Variants in CREBZF observed in about 807,000 individuals in gnomAD.
CREBZF encodes CREB/ATF bZIP transcription factor, also known as HCF-binding transcription factor Zhangfei.
Under a neutral mutation model 21.1 loss-of-function variants are expected in CREBZF, and 8 were observed. The observed-to-expected ratio is 0.38, with a 90% CI of 0.22 to 0.68. The LOEUF (loss-of-function observed/expected upper bound fraction) is 0.68, where lower values mean the gene tolerates loss of function less well. CREBZF is among the 30% of genes least tolerant of loss of function. The pLI is 0.51. For synonymous variants in CREBZF, 270 were observed against 223.3 expected (o/e 1.21, Z -1.86); for missense variants, 518 against 484.3 (o/e 1.07, Z -0.65).
intron 1 of CREBZF, among the ~76,000 whole-genome samples, chr11:85,682,326 C>CT (rs2082981440): frequency 6.6e-6 from 1 of 152,132 alleles, no homozygotes; most frequent in Non-Finnish European, 1.5e-5. Flanking sequence ...TTCTCTTAGT[C>CT]TATGTTGTGG....
Position 85,664,796 on chromosome 11 carries a change from G to A in CREBZF, c.80C>T (p.Ala27Val). ...PTRSESPEPA[A>V]TCSLPSDLTR... ...CAGGTCAGAGGGCAGCGAACAAGTT[G>A]CAGCCGGCTCCGGGCTCTCACTGCG... is the stretch of plus-strand genomic sequence containing the variant. Residue 27 changes from alanine to valine, a missense_variant, in exon 1 of 1, where the codon GCA becomes GTA. Physicochemically the swap from Ala to Val is moderately conservative, Grantham distance 64. Around this residue, in one of 3 missense-constraint regions of CREBZF, gnomAD observed 396 missense variants for 324.4 expected, o/e 1.22. Transcript: ENST00000527447. The surrounding 1 kb of genome is among the most constrained non-coding windows in gnomAD (Gnocchi z 5.5). The A allele has an allele frequency of 6.3e-7, 1 of 1,579,976 alleles. No homozygotes were observed. The highest frequency in any genetic ancestry group is 1.1e-5 in the South Asian group (1 of 87,480).
intron 1 of CREBZF, among the ~76,000 whole-genome samples, chr11:85,671,553 T>C (rs1311081494): frequency 6.6e-6 from 1 of 152,248 alleles, no homozygotes; most frequent in African/African-American, 2.4e-5. Flanking sequence ...AGTTACTTCC[T>C]AGATACAATG....
intron 1 of CREBZF, among the ~76,000 whole-genome samples, chr11:85,678,486 T>A (rs2082955896): frequency 6.6e-6 from 1 of 152,228 alleles, no homozygotes; most frequent in Non-Finnish European, 1.5e-5. Context: ...GAAAATTTTC[T>A]CCCTAGCAAC....
At chr11:85,678,735 T>C (rs1160420849) in intron 1 of CREBZF, among the ~76,000 whole-genome samples, 2 of 152,256 alleles carry the variant, frequency 1.3e-5, no homozygotes, top group Admixed American at 6.5e-5. Context: ...GTCATCCTTA[T>C]ATCTCTTCCT....
chr11:85,677,032 C>T (rs1050743146), intron 1 of CREBZF, among the ~76,000 whole-genome samples: 7 of 144,880 alleles, frequency 4.8e-5, no homozygotes, highest in African/African-American at 7.8e-5. Context: ...GATGCAATCT[C>T]GGCTCACTGC....
chr11:85,680,317 T>C (rs2082968761), intron 1 of CREBZF, among the ~76,000 whole-genome samples: 1 of 152,244 alleles, frequency 6.6e-6, no homozygotes, highest in Non-Finnish European at 1.5e-5. Flanking sequence ...ATTGATGGTA[T>C]ATAACCTGTT....
intron 1 of CREBZF, among the ~76,000 whole-genome samples, chr11:85,672,644 T>A (rs1308099899): frequency 6.6e-6 from 1 of 152,220 alleles, no homozygotes; most frequent in Non-Finnish European, 1.5e-5. Context: ...GGCTAACTGG[T>A]TGGTCATGGA....
At chr11:85,665,129 CAG>C (rs2082840594), upstream of CREBZF, 1 of 411,810 alleles carries the variant, frequency 2.4e-6, no homozygotes, top group Non-Finnish European at 4.4e-6. Context: ...AGCCGGAAGT[CAG>C]TGGTTTTCGC....
chr11:85,682,606 T>TC (rs1218582964), intron 1 of CREBZF: 2 of 204,626 alleles, frequency 9.8e-6, no homozygotes, highest in South Asian at 5.7e-5. Context: ...CCTGCCCTAC[T>TC]CCCCCCAACG....
rs761272806 is a variant in CREBZF at position 85,664,693 on chromosome 11, T to C, written c.183A>G (p.Gly61=). 5.0e-6 allele frequency: 8 copies of C among 1,594,526 alleles called. No individual in the cohort carries two copies. In the Admixed American group the frequency reaches 5.2e-5, roughly 10 times the overall value. Residue 61 remains glycine (G), a synonymous_variant, in exon 1 of 1, where the codon GGA becomes GGG. Coordinates refer to ENST00000527447, the MANE Select transcript of CREBZF (RefSeq NM_001039618.4). The surrounding 1 kb of genome is among the most constrained non-coding windows in gnomAD (Gnocchi z 5.5). The part of the protein sequence containing the change: ...PGRKQQFGDE[G]ELEAGRGSRG... ...GGCTCCCCCTCCCGGCTTCCAACTC[T>C]CCTTCGTCGCCAAACTGCTGCTTGC...
chr11:85,668,638 C>T (rs1207251067), upstream of CREBZF, among the ~76,000 whole-genome samples: 4 of 152,160 alleles, frequency 2.6e-5, no homozygotes, highest in Non-Finnish European at 5.9e-5. Context: ...ACTTCCTTAT[C>T]TTATTCCTGA....
intron 1 of CREBZF, among the ~76,000 whole-genome samples, chr11:85,677,724 G>A (rs2082951024): frequency 6.6e-6 from 1 of 152,212 alleles, no homozygotes; most frequent in South Asian, 2.1e-4. Flanking sequence ...ATACTTAGCT[G>A]TCCTGTTTTT....
rs756367575 is a variant in CREBZF, at chr11:85,658,169, C to T, written c.*5642G>A. On this transcript the variant is annotated 3_prime_UTR_variant, in exon 1 of 1. Transcript: ENST00000527447. ...TAATTTCTGGCGTTAACCCAAGTAC[C>T]GAGTTAAGACTCCTTAAGAATATAG... Among the ~76,000 whole-genome samples, 5 of 151,802 alleles carry T rather than the reference C, an allele frequency of 3.3e-5. No homozygotes were observed. Among genetic ancestry groups the T allele is most frequent in the African/African-American group, 7.3e-5 (3 of 41,378 alleles).
At chr11:85,668,974 C>T (rs1324044128), upstream of CREBZF, among the ~76,000 whole-genome samples, 5 of 117,146 alleles carry the variant, frequency 4.3e-5, no homozygotes, top group Admixed American at 1.1e-4. Context: ...TGCACTCCAG[C>T]CTGGGCGACA....
chr11:85,667,831 A>G (rs567495595), upstream of CREBZF, among the ~76,000 whole-genome samples: 3 of 152,248 alleles, frequency 2.0e-5, no homozygotes, highest in Admixed American at 1.3e-4. Flanking sequence ...TTAGCCAGGT[A>G]TGGTGGCACA....
In CREBZF at chr11:85,661,632, C is replaced by T. The variant is rs1267004957; in HGVS notation, c.*2179G>A. 2 of 152,520 alleles carry T rather than the reference C, an allele frequency of 1.3e-5. No individual in the cohort carries two copies. Among genetic ancestry groups the T allele is most frequent in the African/African-American group, 2.4e-5 (1 of 41,424 alleles). The allele number at this position is 152,520 out of a possible 1,614,324, so 9.4% of individuals were successfully genotyped here. A position where few individuals can be genotyped will look rare whatever the true frequency, so the allele number is the denominator to read the frequency against. On this transcript the variant is annotated 3_prime_UTR_variant, in exon 1 of 1. Coordinates refer to ENST00000527447, the MANE Select transcript of CREBZF (RefSeq NM_001039618.4). Reference sequence around the variant, plus strand: ...ATGTTATAGTTTTTAGAAAAATGAACTTACTGCTTTCCAGAACCTTTTAAG... The same window carrying T: ...ATGTTATAGTTTTTAGAAAAATGAATTTACTGCTTTCCAGAACCTTTTAAG...
At position 85,663,439 on chromosome 11, in the gene CREBZF, T is replaced by TCA; in HGVS notation, c.*370_*371dup. On this transcript the variant is annotated 3_prime_UTR_variant, in exon 1 of 1. Coordinates refer to ENST00000527447, the MANE Select transcript of CREBZF (RefSeq NM_001039618.4). ...TCCAAAACAGAAAAAAAAAAAAAAA[T>TCA]CACACACACACAAACTGAGATGTTG... 3 of 628,504 alleles carry TCA rather than the reference T, an allele frequency of 4.8e-6. No homozygotes were observed. Among genetic ancestry groups the TCA allele is most frequent in the Middle Eastern group, 2.6e-4 (1 of 3,894 alleles). 38.9% of individuals were successfully genotyped at this position (628,504 alleles called of 1,614,324 possible). A position where few individuals can be genotyped will look rare whatever the true frequency, so the allele number is the denominator to read the frequency against.
chr11:85,667,034 A>G (rs2082875597), upstream of CREBZF, among the ~76,000 whole-genome samples: 1 of 152,196 alleles, frequency 6.6e-6, no homozygotes, highest in African/African-American at 2.4e-5. Context: ...TTAACTGATT[A>G]TATTTTTTAA....
upstream of CREBZF, among the ~76,000 whole-genome samples, chr11:85,669,683 C>T (rs2082898449): frequency 6.6e-6 from 1 of 152,138 alleles, no homozygotes. Flanking sequence ...CAGCTGAAAA[C>T]CTCAATAGTG....
Sources: gnomAD v4.1 joint callset for allele counts (sites outside exome capture counted in the v4.1 genomes callset) on GRCh38, gnomAD v4.1.1 for gene constraint, gnomAD v4.1.1 regional missense constraint, Gnocchi (gnomAD v3.1) non-coding constraint, MANE v1.5 for transcripts, NCBI Gene and HGNC (gene_info 2026-07-23, HGNC 2026-07-21) for gene names.